Variants in RASSF5 observed in about 807,000 individuals in gnomAD.
The protein encoded by RASSF5 is ras association domain-containing protein 5.
In RASSF5, 25 loss-of-function variants were observed where a neutral mutation model predicts 40.5. That is an observed-to-expected ratio of 0.62 (90% CI 0.45 to 0.86). The LOEUF (loss-of-function observed/expected upper bound fraction) is 0.86, where lower values mean the gene tolerates loss of function less well. Among genes scored for constraint, RASSF5 ranks in the 40% least tolerant of loss-of-function variants. The pLI is 0.00. For missense variants in RASSF5, 521 were observed against 572.8 expected, an observed-to-expected ratio of 0.91 and a Z score of 0.92; for synonymous variants, 246 against 252.4, an observed-to-expected ratio of 0.97 and a Z score of 0.24.
intron 2 of RASSF5, among the ~76,000 whole-genome samples, chr1:206,549,117 T>C (rs7548357): frequency 0.059 from 6,487 of 110,580 alleles, 466 homozygotes; most frequent in African/African-American, 0.18. Flanking sequence ...CCACCCACCT[T>C]GGCCTCTCAA....
chr1:206,584,805 A>G lies in RASSF5; in HGVS notation c.988+121A>G, dbSNP rs2103572442. On this transcript the variant is annotated intron_variant, in intron 4 of 5. Coordinates refer to ENST00000579436, the MANE Select transcript of RASSF5 (RefSeq NM_182663.4). The surrounding 1 kb of genome is among the most constrained non-coding windows in gnomAD (Gnocchi z 4.9). ...GGCTTCTCCTGAGCACCAGGGGTCCAGCTGCCCATGTGGTGTTCAGATCTG... is the reference window on the plus strand; with the variant it reads ...GGCTTCTCCTGAGCACCAGGGGTCCGGCTGCCCATGTGGTGTTCAGATCTG... The G allele has an allele frequency of 9.6e-7, 1 of 1,041,846 alleles. No homozygotes were observed. The highest frequency in any genetic ancestry group is 2.6e-5 in the East Asian group (1 of 38,848). The allele number at this position is 1,041,846 out of a possible 1,614,324, so 64.5% of individuals were successfully genotyped here.
At chr1:206,529,128 A>G (rs1206203443) in intron 1 of RASSF5, 11 of 1,506,002 alleles carry the variant, frequency 7.3e-6, no homozygotes, top group Non-Finnish European at 9.9e-6. Flanking sequence ...CAAGTGGCTG[A>G]AAGTGCCTCC....
intron 2 of RASSF5, among the ~76,000 whole-genome samples, chr1:206,582,759 G>T (rs1357141595): frequency 6.6e-6 from 1 of 152,212 alleles, no homozygotes; most frequent in African/African-American, 2.4e-5. Flanking sequence ...GGATCTAAGA[G>T]AATTCTTGTC....
Position 206,535,010 on chromosome 1 carries a change from C to T in RASSF5, c.458-3162C>T, listed in dbSNP as rs1667342538. Among the ~76,000 whole-genome samples the T allele has an allele frequency of 1.3e-5, 2 of 152,160 alleles. No individual in the cohort carries two copies. The highest frequency in any genetic ancestry group is 2.9e-5 in the Non-Finnish European group (2 of 68,032). On this transcript the variant is annotated intron_variant, in intron 1 of 5. Coordinates refer to ENST00000579436, the MANE Select transcript of RASSF5 (RefSeq NM_182663.4). This position sits in a 1 kb window ranked among gnomAD's most constrained non-coding sequence, Gnocchi z 5.0. ...CTTTGGGAGGCAGAGGTGGGCAAAT[C>T]GCTTGAGCCCAGGAGTTCGAGACCA...
At chr1:206,527,383 G>C (rs1267640040) in intron 1 of RASSF5, among the ~76,000 whole-genome samples, 1 of 152,166 alleles carries the variant, frequency 6.6e-6, no homozygotes, top group African/African-American at 2.4e-5. Flanking sequence ...CTGAGAGCCT[G>C]CTGTCTTGTG....
Position 206,557,532 on chromosome 1 carries a change from C to T in RASSF5, c.579+19239C>T, listed in dbSNP as rs782276943. ...CCTCCGCCGCATCCCAAGCCCGGCC[C>T]CCTTGATGCGCTGGCGGCCTCGGCC... On this transcript the variant is annotated intron_variant, in intron 2 of 5. Coordinates refer to ENST00000579436, the MANE Select transcript of RASSF5 (RefSeq NM_182663.4). The T allele has an allele frequency of 5.0e-6, 8 of 1,611,400 alleles. No homozygotes were observed. In the South Asian group the frequency reaches 6.6e-5, roughly 13 times the overall value.
chr1:206,584,766 G>C lies in RASSF5; in HGVS notation c.988+82G>C. The C allele has an allele frequency of 6.8e-7, 1 of 1,480,582 alleles. No individual in the cohort carries two copies. The highest frequency in any genetic ancestry group is 9.3e-7 in the Non-Finnish European group (1 of 1,080,416). 91.7% of individuals were successfully genotyped at this position (1,480,582 alleles called of 1,614,324 possible). A position where few individuals can be genotyped will look rare whatever the true frequency, so the allele number is the denominator to read the frequency against. ...ACCCACTAAAACTCCTGCCGGCCTT[G>C]GGTGGGAGCTGTGGGCTTCTCCTGA... On this transcript the variant is annotated intron_variant, in intron 4 of 5. Coordinates refer to ENST00000579436, the MANE Select transcript of RASSF5 (RefSeq NM_182663.4). The surrounding 1 kb of genome is among the most constrained non-coding windows in gnomAD (Gnocchi z 4.9).
chr1:206,530,448 A>G (rs965404175), intron 1 of RASSF5, among the ~76,000 whole-genome samples: 9 of 152,208 alleles, frequency 5.9e-5, no homozygotes, highest in Admixed American at 1.3e-4. Context: ...GTTGTCATAA[A>G]TAACTATGTG....
chr1:206,519,175 A>C (rs1302030094), intron 1 of RASSF5, among the ~76,000 whole-genome samples: 1 of 152,182 alleles, frequency 6.6e-6, no homozygotes, highest in African/African-American at 2.4e-5. Flanking sequence ...CGGTGAGTGA[A>C]AGATAAGAGG....
chr1:206,518,104 G>A (rs1477795821), intron 1 of RASSF5, among the ~76,000 whole-genome samples: 2 of 152,202 alleles, frequency 1.3e-5, no homozygotes, highest in Non-Finnish European at 2.9e-5. Flanking sequence ...GAGAAGTGAG[G>A]CTCGGGGCAG....
chr1:206,572,241 C>T (rs782442338), intron 2 of RASSF5, among the ~76,000 whole-genome samples: 1 of 152,110 alleles, frequency 6.6e-6, no homozygotes, highest in Non-Finnish European at 1.5e-5. Context: ...TTAATGAACC[C>T]CTATTGTGTG....
intron 2 of RASSF5, among the ~76,000 whole-genome samples, chr1:206,550,035 C>T (rs1397532515): frequency 6.6e-6 from 1 of 152,194 alleles, no homozygotes; most frequent in Non-Finnish European, 1.5e-5. Flanking sequence ...CTGCCTTTGT[C>T]TCCCTAGACT....
chr1:206,577,949 G>A (rs1553405473), intron 2 of RASSF5, among the ~76,000 whole-genome samples: 2 of 152,120 alleles, frequency 1.3e-5, no homozygotes, highest in African/African-American at 2.4e-5. Flanking sequence ...GCAGCCAGGC[G>A]CGGTGGGTCA....
chr1:206,578,529 T>C (rs1376169609), intron 2 of RASSF5, among the ~76,000 whole-genome samples: 1 of 152,172 alleles, frequency 6.6e-6, no homozygotes, highest in Non-Finnish European at 1.5e-5. Context: ...TGACTTCTGA[T>C]GGGCAAACAG....
chr1:206,548,584 A>T (rs1340151205), intron 2 of RASSF5, among the ~76,000 whole-genome samples: 1 of 152,226 alleles, frequency 6.6e-6, no homozygotes, highest in Non-Finnish European at 1.5e-5. Context: ...GGGGACAGAT[A>T]TCCAAACTGT....
intron 1 of RASSF5, among the ~76,000 whole-genome samples, chr1:206,533,320 C>T (rs536677777): frequency 2.0e-5 from 3 of 152,128 alleles, no homozygotes; most frequent in Admixed American, 6.6e-5. Context: ...CCTGTCCTGC[C>T]GGCCCACTGT....
At chr1:206,523,694 A>G (rs1666988496) in intron 1 of RASSF5, among the ~76,000 whole-genome samples, 1 of 86,878 alleles carries the variant, frequency 1.2e-5, no homozygotes, top group East Asian at 3.5e-4. Context: ...TATATTATAT[A>G]TAATATATTT....
At chr1:206,520,008 CTCTT>C (rs1306114388) in intron 1 of RASSF5, among the ~76,000 whole-genome samples, 12 of 152,342 alleles carry the variant, frequency 7.9e-5, no homozygotes, top group African/African-American at 1.9e-4. Context: ...CCCTTACTCT[CTCTT>C]TAAGAATTAT....
At chr1:206,570,485 T>G (rs1427384373) in intron 2 of RASSF5, among the ~76,000 whole-genome samples, 1 of 152,122 alleles carries the variant, frequency 6.6e-6, no homozygotes, top group Non-Finnish European at 1.5e-5. Context: ...TTCCAGAACT[T>G]TTGTTTTCCC....
Sources: allele counts gnomAD v4.1 joint callset (sites outside exome capture counted in the v4.1 genomes callset), GRCh38; gene constraint gnomAD v4.1.1; non-coding constraint Gnocchi (gnomAD v3.1); transcripts MANE v1.5; gene names NCBI Gene and HGNC (gene_info 2026-07-23, HGNC 2026-07-21).